ERC2: variants seen among roughly 807,000 people sequenced by gnomAD.
ERC2 encodes ERC protein 2.
Under a neutral mutation model 114.8 loss-of-function variants are expected in ERC2, and 42 were observed. That is an observed-to-expected ratio of 0.37 (90% CI 0.29 to 0.47). The LOEUF is 0.47. Among genes scored for constraint, ERC2 ranks in the 20% least tolerant of loss-of-function variants. The pLI is 0.99. For missense variants in ERC2, 939 were observed against 1,150.7 expected (o/e 0.82, Z 2.66); for synonymous variants, 454 against 425.5 (o/e 1.07, Z -0.82).
chr3:56,169,658 T>G (rs1255444154), intron 4 of ERC2, among the ~76,000 whole-genome samples: 1 of 152,156 alleles, frequency 6.6e-6, no homozygotes, highest in Non-Finnish European at 1.5e-5. Context: ...AATACCCCTG[T>G]TTTTTTCCAG....
At chr3:56,297,955 C>T (rs1037961588) in intron 2 of ERC2, among the ~76,000 whole-genome samples, 2 of 152,130 alleles carry the variant, frequency 1.3e-5, no homozygotes, top group Non-Finnish European at 1.5e-5. Context: ...TTATGAATGT[C>T]CATTGAGAAA....
chr3:55,738,543 T>C (rs1008766581), intron 14 of ERC2, among the ~76,000 whole-genome samples: 4 of 152,088 alleles, frequency 2.6e-5, no homozygotes, highest in African/African-American at 4.8e-5. Flanking sequence ...TGTCCTTCCA[T>C]TCTTCATGCA....
chr3:55,708,060 C>G (rs1485974583), intron 15 of ERC2, among the ~76,000 whole-genome samples: 1 of 152,188 alleles, frequency 6.6e-6, no homozygotes, highest in East Asian at 1.9e-4. Flanking sequence ...TGGGAATGGG[C>G]TCTGATCACC....
chr3:56,036,511 G>A (rs896475391), intron 7 of ERC2, among the ~76,000 whole-genome samples: 6 of 152,150 alleles, frequency 3.9e-5, no homozygotes, highest in South Asian at 4.1e-4. Flanking sequence ...AGCAGCTGCC[G>A]TCAGCGGCAC....
At chr3:56,232,826 A>G (rs1035837930) in intron 3 of ERC2, among the ~76,000 whole-genome samples, 3 of 152,210 alleles carry the variant, frequency 2.0e-5, no homozygotes, top group African/African-American at 7.2e-5. Flanking sequence ...TACACACTAG[A>G]ATTCTTCAGT....
chr3:56,061,011 C>A (rs879289000), intron 7 of ERC2, among the ~76,000 whole-genome samples: 1 of 152,294 alleles, frequency 6.6e-6, no homozygotes, highest in East Asian at 1.9e-4. Context: ...CAGTAACCTC[C>A]ACTTGCCTGC....
chr3:56,400,701 A>G (rs982405172), intron 2 of ERC2, among the ~76,000 whole-genome samples: 7 of 152,198 alleles, frequency 4.6e-5, no homozygotes, highest in Admixed American at 6.5e-5. Flanking sequence ...TTCCACCAAT[A>G]AACTGTAAAC....
At chr3:56,218,826 C>T (rs1307043733) in intron 3 of ERC2, among the ~76,000 whole-genome samples, 2 of 152,144 alleles carry the variant, frequency 1.3e-5, no homozygotes, top group African/African-American at 2.4e-5. Flanking sequence ...ATGATGAGTT[C>T]ATGTCCTTTG....
chr3:56,038,869 T>C (rs1481436597), intron 7 of ERC2, among the ~76,000 whole-genome samples: 2 of 152,136 alleles, frequency 1.3e-5, no homozygotes, highest in Admixed American at 6.5e-5. Flanking sequence ...CACTTATAAG[T>C]TGGTGCTGAA....
chr3:56,077,929 T>G (rs2077050345), intron 7 of ERC2, among the ~76,000 whole-genome samples: 1 of 152,180 alleles, frequency 6.6e-6, no homozygotes, highest in Non-Finnish European at 1.5e-5. Context: ...AAGCACTATT[T>G]ACATGAGTAA....
At chr3:55,790,718 A>C (rs2069938426) in intron 14 of ERC2, among the ~76,000 whole-genome samples, 1 of 152,218 alleles carries the variant, frequency 6.6e-6, no homozygotes, top group African/African-American at 2.4e-5. Flanking sequence ...CCCTAGCCAG[A>C]CTGTGAATTC....
chr3:56,386,860 G>A (rs912183880), intron 2 of ERC2, among the ~76,000 whole-genome samples: 1 of 152,122 alleles, frequency 6.6e-6, no homozygotes, highest in Non-Finnish European at 1.5e-5. Context: ...CTTTTGGGCA[G>A]GTAAAATAAT....
At chr3:56,351,543 T>C (rs916768300) in intron 2 of ERC2, among the ~76,000 whole-genome samples, 5 of 152,102 alleles carry the variant, frequency 3.3e-5, no homozygotes, top group Admixed American at 3.3e-4. Flanking sequence ...GAAAGAAAAC[T>C]AACAACCCAG....
intron 17 of ERC2, among the ~76,000 whole-genome samples, chr3:55,666,942 T>C (rs2061378970): frequency 6.6e-6 from 1 of 152,170 alleles, no homozygotes; most frequent in Non-Finnish European, 1.5e-5. Context: ...ATACATAATA[T>C]TAGTTATTAT....
chr3:56,458,865 C>A (rs1024882046), intron 1 of ERC2, among the ~76,000 whole-genome samples: 4 of 152,112 alleles, frequency 2.6e-5, no homozygotes, highest in Non-Finnish European at 4.4e-5. Flanking sequence ...AGTCAACAAC[C>A]CTGCTCCTCT....
intron 15 of ERC2, among the ~76,000 whole-genome samples, chr3:55,732,369 G>A (rs542223902): frequency 2.6e-5 from 4 of 152,228 alleles, no homozygotes; most frequent in African/African-American, 7.2e-5. Context: ...CCTAAATCAC[G>A]AAGGAGCCCA....
At chr3:56,239,356 A>T (rs2051171999) in intron 3 of ERC2, among the ~76,000 whole-genome samples, 1 of 152,110 alleles carries the variant, frequency 6.6e-6, no homozygotes, top group South Asian at 2.1e-4. Context: ...GTCACAAAAA[A>T]TTAGCCAGGC....
intron 17 of ERC2, among the ~76,000 whole-genome samples, chr3:55,538,305 A>C (rs2054130919): frequency 6.6e-6 from 1 of 152,206 alleles, no homozygotes; most frequent in Admixed American, 6.5e-5. Flanking sequence ...CTCTATTTGC[A>C]GAGCAGAAGC....
chr3:56,096,181 T>C (rs1287647837), intron 6 of ERC2, among the ~76,000 whole-genome samples: 1 of 152,242 alleles, frequency 6.6e-6, no homozygotes, highest in Non-Finnish European at 1.5e-5. Context: ...ACATAATTTA[T>C]GATTACCATG....
Sources: allele counts gnomAD v4.1 joint callset (sites outside exome capture counted in the v4.1 genomes callset), GRCh38; gene constraint gnomAD v4.1.1; transcripts MANE v1.5; gene names NCBI Gene and HGNC (gene_info 2026-07-23, HGNC 2026-07-21).